The following CCDC60 variants were observed in gnomAD, a reference collection of about 807,000 sequenced individuals.
The protein encoded by CCDC60 is coiled-coil domain containing 60.
CCDC60 carries 54 observed loss-of-function variants against 63.5 expected under a neutral mutation model. The ratio of observed to expected loss-of-function variants is 0.85; its 90% confidence interval spans 0.68 to 1.07. The LOEUF is 1.07. Among genes scored for constraint, CCDC60 ranks in the 50% least tolerant of loss-of-function variants. The pLI, the probability that CCDC60 is intolerant of heterozygous loss-of-function variation, is 0.00. For synonymous variants in CCDC60, 206 were observed against 238.8 expected (o/e 0.86, Z 1.27); for missense variants, 651 against 684.3 (o/e 0.95, Z 0.54).
At chr12:119,393,640 GCAA>G (rs2136202951) in intron 1 of CCDC60, among the ~76,000 whole-genome samples, 1 of 152,346 alleles carries the variant, frequency 6.6e-6, no homozygotes, top group South Asian at 2.1e-4. Flanking sequence ...CCCTTGGAGA[GCAA>G]GACACAGGGA....
intron 7 of CCDC60, among the ~76,000 whole-genome samples, chr12:119,508,491 A>AC (rs1952117608): frequency 6.6e-6 from 1 of 151,992 alleles, no homozygotes; most frequent in South Asian, 2.1e-4. Flanking sequence ...AAAAAAAAAA[A>AC]GGAAGTTGTA....
chr12:119,347,530 G>A (rs1242400309), intron 1 of CCDC60, among the ~76,000 whole-genome samples: 3 of 152,200 alleles, frequency 2.0e-5, no homozygotes, highest in Non-Finnish European at 4.4e-5. Flanking sequence ...CTATCCTAGA[G>A]CCTAGCACAG....
chr12:119,490,009 G>A (rs1951546820), intron 5 of CCDC60, among the ~76,000 whole-genome samples: 1 of 152,140 alleles, frequency 6.6e-6, no homozygotes, highest in Admixed American at 6.5e-5. Flanking sequence ...TGTTGGCCAG[G>A]ATGGTCTCAA....
chr12:119,354,927 T>G (rs189028156), intron 1 of CCDC60, among the ~76,000 whole-genome samples: 3 of 152,292 alleles, frequency 2.0e-5, no homozygotes, highest in Admixed American at 1.3e-4. Flanking sequence ...CCTCATCATC[T>G]AGAGCCACAG....
intron 2 of CCDC60, among the ~76,000 whole-genome samples, chr12:119,431,667 G>GTGTT (rs34475367): frequency 0.13 from 20,334 of 151,772 alleles, 1,532 homozygotes; most frequent in East Asian, 0.29. Context: ...TTCTGTGTTT[G>GTGTT]TGTTTGTTTG....
chr12:119,410,321 T>C lies in CCDC60; in HGVS notation c.91-18362T>C, dbSNP rs1956572662. Among the ~76,000 whole-genome samples the C allele has an allele frequency of 6.6e-6, 1 of 152,054 alleles. No individual in the cohort carries two copies. Among genetic ancestry groups the C allele is most frequent in the African/African-American group, 2.4e-5 (1 of 41,374 alleles). On this transcript the variant is annotated intron_variant, in intron 1 of 13. Coordinates refer to ENST00000327554, the MANE Select transcript of CCDC60 (RefSeq NM_178499.5). The surrounding 1 kb of genome is among the most constrained non-coding windows in gnomAD (Gnocchi z 4.0). The stretch of plus-strand genomic sequence containing the variant: ...TTGAGGACAAGGTGGAAGTAATACA[T>C]TTTAAAAAGTGATGTACCTTTTGAT...
chr12:119,418,078 C>A (rs1956735387), intron 1 of CCDC60, among the ~76,000 whole-genome samples: 1 of 151,926 alleles, frequency 6.6e-6, no homozygotes, highest in Non-Finnish European at 1.5e-5. Flanking sequence ...GTCAAATACC[C>A]TTAACTTAAA....
At chr12:119,411,199 C>T (rs1333557046) in intron 1 of CCDC60, among the ~76,000 whole-genome samples, 1 of 152,060 alleles carries the variant, frequency 6.6e-6, no homozygotes, top group African/African-American at 2.4e-5. Context: ...GGTAGTAAAC[C>T]TAAGGGGAGG....
intron 13 of CCDC60, among the ~76,000 whole-genome samples, chr12:119,540,255 T>C (rs985385648): frequency 1.3e-5 from 2 of 152,234 alleles, no homozygotes; most frequent in Admixed American, 6.5e-5. Flanking sequence ...TCATCAATTC[T>C]GAAACGGATT....
chr12:119,511,580 T>G (rs1450915118), intron 7 of CCDC60, among the ~76,000 whole-genome samples: 1 of 152,192 alleles, frequency 6.6e-6, no homozygotes, highest in Non-Finnish European at 1.5e-5. Context: ...ACTTCCTCTA[T>G]TCCCCCTCCC....
intron 8 of CCDC60, among the ~76,000 whole-genome samples, chr12:119,518,729 G>C (rs944319469): frequency 2.0e-5 from 3 of 152,122 alleles, no homozygotes; most frequent in Non-Finnish European, 4.4e-5. Context: ...TGGGGATGGT[G>C]GTGGGGACGG....
chr12:119,475,635 T>C (rs1471999269), intron 3 of CCDC60, among the ~76,000 whole-genome samples: 1 of 152,208 alleles, frequency 6.6e-6, no homozygotes, highest in Non-Finnish European at 1.5e-5. Context: ...AGGGTAGTAG[T>C]GGTGAAGTAC....
intron 2 of CCDC60, among the ~76,000 whole-genome samples, chr12:119,461,266 T>C (rs887179222): frequency 6.6e-6 from 1 of 152,080 alleles, no homozygotes; most frequent in African/African-American, 2.4e-5. Context: ...CAATAGCCCT[T>C]TGAGGGAGGA....
intron 2 of CCDC60, among the ~76,000 whole-genome samples, chr12:119,432,911 T>C (rs1950256059): frequency 6.6e-6 from 1 of 152,218 alleles, no homozygotes. Flanking sequence ...TTAGAACTCA[T>C]ACCTTCCTAA....
intron 7 of CCDC60, among the ~76,000 whole-genome samples, chr12:119,514,824 T>C (rs1340611943): frequency 6.6e-6 from 1 of 152,202 alleles, no homozygotes; most frequent in Non-Finnish European, 1.5e-5. Context: ...CTAGAGCAAT[T>C]TTCAGTCCTG....
At chr12:119,439,560 A>G (rs542229159) in intron 2 of CCDC60, among the ~76,000 whole-genome samples, 13 of 152,338 alleles carry the variant, frequency 8.5e-5, no homozygotes, top group African/African-American at 2.6e-4. Flanking sequence ...ATGAACAGAG[A>G]GAGCCAATGA....
At chr12:119,473,129 G>C (rs1167411696) in intron 3 of CCDC60, among the ~76,000 whole-genome samples, 1 of 152,154 alleles carries the variant, frequency 6.6e-6, no homozygotes, top group Non-Finnish European at 1.5e-5. Context: ...TCTCCCCCAA[G>C]GTCAGTAGTT....
chr12:119,418,357 T>C lies in CCDC60; in HGVS notation c.91-10326T>C, dbSNP rs540308892. Among the ~76,000 whole-genome samples, 127 of 148,784 alleles carry C rather than the reference T, an allele frequency of 8.5e-4. 1 individual carries two copies. Among genetic ancestry groups the C allele is most frequent in the African/African-American group, 2.3e-3 (93 of 40,876 alleles). On this transcript the variant is annotated intron_variant, in intron 1 of 13. Coordinates refer to ENST00000327554, the MANE Select transcript of CCDC60 (RefSeq NM_178499.5). ...TTCACATTAACCCAGTGCTATTATC[T>C]TTTTCTTTCTTTTTCCTTTTCTTTC...
At chr12:119,523,093 C>T (rs1593213890) in intron 10 of CCDC60, 92 bp downstream of exon 10, 2 of 1,124,942 alleles carry the variant, frequency 1.8e-6, no homozygotes, top group Admixed American at 3.4e-5. Context: ...TGACCCAATG[C>T]AGACCAGACT....
Sources: allele counts gnomAD v4.1 joint callset (sites outside exome capture counted in the v4.1 genomes callset), GRCh38; gene constraint gnomAD v4.1.1; non-coding constraint Gnocchi (gnomAD v3.1); transcripts MANE v1.5; gene names NCBI Gene and HGNC (gene_info 2026-07-23, HGNC 2026-07-21).